Variants in BPNT2 observed in about 807,000 individuals in gnomAD.
The protein encoded by BPNT2 is 3'(2'), 5'-bisphosphate nucleotidase 2, also known as Golgi-resident adenosine 3',5'-bisphosphate 3'-phosphatase.
A neutral mutation model predicts 29.3 loss-of-function variants in BPNT2; 11 were observed. That is an observed-to-expected ratio of 0.38 (90% CI 0.24 to 0.62). The LOEUF is 0.62. Ranked by LOEUF, BPNT2 falls within the 20% of genes least tolerant of loss-of-function variation. BPNT2 has a pLI of 0.62. For missense variants in BPNT2, 459 were observed against 473.4 expected, an observed-to-expected ratio of 0.97 and a Z score of 0.28; for synonymous variants, 195 against 187.7, an observed-to-expected ratio of 1.04 and a Z score of -0.32.
intron 1 of BPNT2, among the ~76,000 whole-genome samples, chr8:56,992,909 G>A (rs942329135): frequency 3.3e-5 from 5 of 152,070 alleles, no homozygotes; most frequent in Non-Finnish European, 5.9e-5. Flanking sequence ...CTGAAGCTGC[G>A]GGTGCAATTA....
chr8:56,988,669 A>G (rs1284356454), intron 1 of BPNT2, among the ~76,000 whole-genome samples: 1 of 152,182 alleles, frequency 6.6e-6, no homozygotes, highest in African/African-American at 2.4e-5. Flanking sequence ...CACAACACCG[A>G]TGACTCGCAG....
At chr8:56,976,989 T>G (rs761228610) in intron 3 of BPNT2, among the ~76,000 whole-genome samples, 4 of 152,150 alleles carry the variant, frequency 2.6e-5, no homozygotes, top group Non-Finnish European at 4.4e-5. Flanking sequence ...AGCTCACAGA[T>G]AGAACTTTGC....
chr8:56,972,808 T>G (rs1278832871), intron 3 of BPNT2, among the ~76,000 whole-genome samples: 2 of 151,730 alleles, frequency 1.3e-5, no homozygotes, highest in Non-Finnish European at 2.9e-5. Flanking sequence ...GAGTTCTGTC[T>G]GCTTGAACAG....
intron 3 of BPNT2, among the ~76,000 whole-genome samples, chr8:56,969,508 C>T (rs183544218): frequency 7.8e-4 from 118 of 152,232 alleles, no homozygotes; most frequent in African/African-American, 2.7e-3. Flanking sequence ...AAATGGTTTT[C>T]TCATACTTGG....
intron 1 of BPNT2, among the ~76,000 whole-genome samples, chr8:56,984,820 C>T (rs759675775): frequency 2.6e-5 from 4 of 152,156 alleles, no homozygotes; most frequent in Non-Finnish European, 5.9e-5. Context: ...TAATCTACAA[C>T]ATTAAGTTCC....
At chr8:56,966,600 C>T (rs1004620867) in intron 3 of BPNT2, among the ~76,000 whole-genome samples, 10 of 151,994 alleles carry the variant, frequency 6.6e-5, no homozygotes, top group East Asian at 1.9e-4. Flanking sequence ...CCAAAGACAA[C>T]GACTATTAAA....
At chr8:56,969,352 T>A (rs1416230886) in intron 3 of BPNT2, among the ~76,000 whole-genome samples, 1 of 152,184 alleles carries the variant, frequency 6.6e-6, no homozygotes, top group Admixed American at 6.5e-5. Context: ...TCTTCTAAGG[T>A]AATCTATTAC....
chr8:56,989,406 A>G (rs767572935), intron 1 of BPNT2, among the ~76,000 whole-genome samples: 3 of 151,984 alleles, frequency 2.0e-5, no homozygotes, highest in Non-Finnish European at 4.4e-5. Context: ...CTAGCTGGAC[A>G]ATCTTTGGCA....
Position 56,963,698 on chromosome 8 carries a change from T to A in BPNT2, c.*95A>T. The stretch of plus-strand genomic sequence containing the variant: ...TACTTTAAAAAGTTCGGGATGGCCT[T>A]AACCATGCATAGTCTCCACCAATCC... On this transcript the variant is annotated 3_prime_UTR_variant, in exon 5 of 5. Transcript: ENST00000262644. The A allele has an allele frequency of 7.0e-7, 1 of 1,426,478 alleles. No individual in the cohort carries two copies. The highest frequency in any genetic ancestry group is 9.8e-7 in the Non-Finnish European group (1 of 1,016,334). 88.4% of individuals were successfully genotyped at this position (1,426,478 alleles called of 1,614,324 possible). A position where few individuals can be genotyped will look rare whatever the true frequency, so the allele number is the denominator to read the frequency against.
intron 1 of BPNT2, among the ~76,000 whole-genome samples, chr8:56,985,183 C>A (rs973694776): frequency 6.6e-6 from 1 of 152,036 alleles, no homozygotes; most frequent in East Asian, 1.9e-4. Context: ...TCAGCTAGAA[C>A]GTAAATTCTG....
At chr8:56,991,366 T>C (rs1806413388) in intron 1 of BPNT2, among the ~76,000 whole-genome samples, 2 of 152,278 alleles carry the variant, frequency 1.3e-5, no homozygotes, top group South Asian at 4.1e-4. Flanking sequence ...GCTTTTATGT[T>C]AATAAAATGC....
At chr8:56,972,363 A>G (rs1806052968) in intron 3 of BPNT2, among the ~76,000 whole-genome samples, 1 of 152,124 alleles carries the variant, frequency 6.6e-6, no homozygotes, top group South Asian at 2.1e-4. Context: ...TATACACCAC[A>G]GATTGAGGTC....
At chr8:56,990,004 A>T (rs1210160829) in intron 1 of BPNT2, among the ~76,000 whole-genome samples, 7 of 152,238 alleles carry the variant, frequency 4.6e-5, no homozygotes, top group African/African-American at 1.7e-4. Flanking sequence ...GGCTCAAAAA[A>T]GTTAAATGAC....
intron 3 of BPNT2, among the ~76,000 whole-genome samples, chr8:56,972,528 C>G (rs561912684): frequency 3.3e-5 from 5 of 151,846 alleles, no homozygotes; most frequent in African/African-American, 4.8e-5. Flanking sequence ...ACCTTTTTAT[C>G]TCATATTGAA....
chr8:56,964,428 A>C (rs1368214173), intron 4 of BPNT2: 1 of 204,248 alleles, frequency 4.9e-6, no homozygotes, highest in Non-Finnish European at 1.0e-5. Context: ...CCTCCTGAGT[A>C]GCTGGGATTA....
rs762426262 is a variant in BPNT2, at chr8:56,993,280, G to C, written c.306C>G (p.Ala102=). The change falls in exon 1 of 5, where the codon GCC becomes GCG. Residue 102 remains alanine, a synonymous_variant. Coordinates refer to ENST00000262644, the MANE Select transcript of BPNT2 (RefSeq NM_017813.5). ...EKSKGKTREG[A]EDKMTSGDVL... The stretch of plus-strand genomic sequence containing the variant: ...CGTCGCCGCTGGTCATCTTGTCCTC[G>C]GCTCCCTCGCGCGTCTTCCCCTTGG... 10 of 1,611,464 alleles carry C rather than the reference G, an allele frequency of 6.2e-6. No homozygotes were observed. The highest frequency in any genetic ancestry group is 1.7e-5 in the Admixed American group (1 of 60,004).
At chr8:56,983,380 A>G (rs1302881640) in intron 1 of BPNT2, among the ~76,000 whole-genome samples, 1 of 152,168 alleles carries the variant, frequency 6.6e-6, no homozygotes, top group Admixed American at 6.5e-5. Context: ...ACAAATGAAA[A>G]GATCCTAAGG....
At chr8:56,977,808 A>G (rs911601879) in intron 3 of BPNT2, among the ~76,000 whole-genome samples, 1 of 152,178 alleles carries the variant, frequency 6.6e-6, no homozygotes, top group Non-Finnish European at 1.5e-5. Context: ...AATTGCCAGA[A>G]GCTAAAAGAA....
At chr8:56,969,495 T>C (rs1488510834) in intron 3 of BPNT2, among the ~76,000 whole-genome samples, 1 of 152,154 alleles carries the variant, frequency 6.6e-6, no homozygotes, top group Non-Finnish European at 1.5e-5. Flanking sequence ...AATAAAGGTG[T>C]ATAAATGGTT....
Sources: allele counts gnomAD v4.1 joint callset (sites outside exome capture counted in the v4.1 genomes callset), GRCh38; gene constraint gnomAD v4.1.1; transcripts MANE v1.5; gene names NCBI Gene and HGNC (gene_info 2026-07-23, HGNC 2026-07-21).